The following CNTNAP5 variants were observed in gnomAD, a reference collection of about 807,000 sequenced individuals.
CNTNAP5 encodes contactin-associated protein-like 5.
Under a neutral mutation model 150.2 loss-of-function variants are expected in CNTNAP5, and 72 were observed. The ratio of observed to expected loss-of-function variants is 0.48; its 90% CI spans 0.40 to 0.58. The LOEUF (loss-of-function observed/expected upper bound fraction) is 0.58, where lower values mean the gene tolerates loss of function less well. Among genes scored for constraint, CNTNAP5 ranks in the 20% least tolerant of loss-of-function variants. The pLI is 0.00. For synonymous variants in CNTNAP5, 672 were observed against 619.8 expected, an observed-to-expected ratio of 1.08 and a Z score of -1.25; for missense variants, 1,636 against 1,626.2, an observed-to-expected ratio of 1.01 and a Z score of -0.10.
At chr2:124,908,940 T>A (rs1678597458) in intron 22 of CNTNAP5, among the ~76,000 whole-genome samples, 1 of 152,134 alleles carries the variant, frequency 6.6e-6, no homozygotes, top group Non-Finnish European at 1.5e-5. Context: ...TGTATGATAT[T>A]TGTGTTTTAA....
intron 1 of CNTNAP5, among the ~76,000 whole-genome samples, chr2:124,110,202 T>C (rs1223142313): frequency 6.6e-6 from 1 of 152,250 alleles, no homozygotes; most frequent in Non-Finnish European, 1.5e-5. Context: ...CTGTGACATC[T>C]TCCCTTTAAA....
chr2:124,514,877 G>A (rs1386728368), intron 8 of CNTNAP5, among the ~76,000 whole-genome samples: 1 of 152,120 alleles, frequency 6.6e-6, no homozygotes, highest in Non-Finnish European at 1.5e-5. Context: ...TTTTGGTCAG[G>A]GACCCCAGAG....
chr2:124,630,782 A>G (rs1317561391), intron 12 of CNTNAP5, among the ~76,000 whole-genome samples: 1 of 152,110 alleles, frequency 6.6e-6, no homozygotes, highest in Non-Finnish European at 1.5e-5. Context: ...AGAGGAAATC[A>G]ATGTCTTTGT....
At chr2:124,543,661 GT>G (rs1254233672) in intron 10 of CNTNAP5, among the ~76,000 whole-genome samples, 2 of 152,120 alleles carry the variant, frequency 1.3e-5, no homozygotes, top group Non-Finnish European at 2.9e-5. Flanking sequence ...CACTGCCACT[GT>G]TTTTTAGATT....
intron 7 of CNTNAP5, among the ~76,000 whole-genome samples, chr2:124,488,377 C>T (rs1693940300): frequency 1.3e-5 from 2 of 151,992 alleles, no homozygotes; most frequent in African/African-American, 4.8e-5. Context: ...GTGGATAGCT[C>T]TTTGTGGTTT....
intron 13 of CNTNAP5, among the ~76,000 whole-genome samples, chr2:124,727,056 A>T (rs781546536): frequency 5.3e-5 from 8 of 152,062 alleles, no homozygotes; most frequent in Non-Finnish European, 1.2e-4. Context: ...CTGCATGTGG[A>T]TACACAGTTT....
chr2:124,895,209 A>T (rs1204136321), intron 21 of CNTNAP5, among the ~76,000 whole-genome samples: 1 of 151,442 alleles, frequency 6.6e-6, no homozygotes, highest in South Asian at 2.1e-4. Context: ...ATCTGTCAGT[A>T]TGTGTGCATT....
rs369607614 is a variant in CNTNAP5, at chr2:124,772,793, T to C, written c.2534-6T>C. ...CTATCCTTCCTGTTTTCCTTTCCGG[T>C]TTCAGCTCCTTCAGAGATCACCTTT... On this transcript the variant is annotated splice_region_variant and splice_polypyrimidine_tract_variant and intron_variant, in intron 16 of 23. Transcript: ENST00000682447. The C allele has an allele frequency of 4.3e-6, 7 of 1,612,950 alleles. No homozygotes were observed. The African/African-American group carries it at 9.3e-5, about 22-fold the overall frequency.
intron 4 of CNTNAP5, among the ~76,000 whole-genome samples, chr2:124,426,474 A>G (rs780442964): frequency 2.0e-5 from 3 of 152,172 alleles, no homozygotes; most frequent in Admixed American, 6.5e-5. Context: ...TTTTTCTTAT[A>G]TAATGTATCA....
At chr2:124,216,030 A>G (rs1030804185) in intron 1 of CNTNAP5, among the ~76,000 whole-genome samples, 9 of 152,188 alleles carry the variant, frequency 5.9e-5, no homozygotes, top group African/African-American at 1.9e-4. Context: ...CCAAACCCTT[A>G]TATATAAAGT....
In CNTNAP5 at chr2:124,239,534, T is replaced by G. The variant is rs149124964; in HGVS notation, c.188-2666T>G. Among the ~76,000 whole-genome samples the G allele has an allele frequency of 5.6e-3, 848 of 152,276 alleles. 5 individuals are homozygous for G. The highest frequency in any genetic ancestry group is 0.02 in the African/African-American group (815 of 41,552). On this transcript the variant is annotated intron_variant, in intron 2 of 23. Transcript: ENST00000682447. ...AAATCACATATGAGTAATAAAATTC[T>G]CAGCTTATAAAAGAAGAAAATGTTG...
At chr2:124,606,516 T>A (rs1360851628) in intron 11 of CNTNAP5, among the ~76,000 whole-genome samples, 1 of 152,024 alleles carries the variant, frequency 6.6e-6, no homozygotes, top group Non-Finnish European at 1.5e-5. Context: ...TGGTTTATGA[T>A]GAAAATTGAA....
chr2:124,581,486 C>T (rs1696411097), intron 11 of CNTNAP5, among the ~76,000 whole-genome samples: 1 of 152,116 alleles, frequency 6.6e-6, no homozygotes, highest in Non-Finnish European at 1.5e-5. Flanking sequence ...AATTTTCTAG[C>T]ACGACAACAT....
chr2:124,244,257 A>G (rs1193835621), intron 3 of CNTNAP5, among the ~76,000 whole-genome samples: 1 of 152,094 alleles, frequency 6.6e-6, no homozygotes, highest in Non-Finnish European at 1.5e-5. Context: ...GTGTTTCTAA[A>G]TGATTCCAAG....
At chr2:124,276,056 C>G (rs1231253727) in intron 3 of CNTNAP5, among the ~76,000 whole-genome samples, 1 of 152,042 alleles carries the variant, frequency 6.6e-6, no homozygotes, top group Non-Finnish European at 1.5e-5. Flanking sequence ...TGAGATTTCT[C>G]AGAAATAAAC....
At chr2:124,816,753 C>G (rs541940053) in intron 19 of CNTNAP5, among the ~76,000 whole-genome samples, 1 of 152,262 alleles carries the variant, frequency 6.6e-6, no homozygotes, top group East Asian at 1.9e-4. Context: ...GCCAGGATTA[C>G]AAGCATGAGC....
At chr2:124,808,503 G>C (rs1403211779) in intron 19 of CNTNAP5, among the ~76,000 whole-genome samples, 1 of 151,496 alleles carries the variant, frequency 6.6e-6, no homozygotes, top group Non-Finnish European at 1.5e-5. Flanking sequence ...CAGAGTAATG[G>C]CTTGAACCTG....
chr2:124,300,374 G>A (rs181004488), intron 3 of CNTNAP5, among the ~76,000 whole-genome samples: 24 of 152,340 alleles, frequency 1.6e-4, no homozygotes, highest in Admixed American at 1.5e-3. Flanking sequence ...CAAGTGCAGA[G>A]TCACCTCACT....
intron 21 of CNTNAP5, among the ~76,000 whole-genome samples, chr2:124,885,774 A>T (rs1200724178): frequency 6.6e-6 from 1 of 152,040 alleles, no homozygotes; most frequent in Non-Finnish European, 1.5e-5. Context: ...TATTTATAAT[A>T]TTGCAGCATG....
Sources: allele counts gnomAD v4.1 joint callset (sites outside exome capture counted in the v4.1 genomes callset), GRCh38; gene constraint gnomAD v4.1.1; transcripts MANE v1.5; gene names NCBI Gene and HGNC (gene_info 2026-07-23, HGNC 2026-07-21).